Variants in LHFPL3 observed in about 807,000 individuals in gnomAD.
LHFPL3 encodes the protein LHFPL tetraspan subfamily member 3 protein.
In LHFPL3, 5 loss-of-function variants were observed where a neutral mutation model predicts 19.3. That is an observed-to-expected ratio of 0.26 (90% CI 0.14 to 0.54). The LOEUF is 0.54. Among genes scored for constraint, LHFPL3 ranks in the 20% least tolerant of loss-of-function variants. The probability of loss-of-function intolerance (pLI) is 0.94; values close to 1 mark genes in which losing one functional copy is unlikely to be tolerated. For missense variants in LHFPL3, 249 were observed against 307.4 expected, an observed-to-expected ratio of 0.81 and a Z score of 1.42; for synonymous variants, 133 against 126.2, an observed-to-expected ratio of 1.05 and a Z score of -0.36.
rs375208001 is a variant in LHFPL3, at chr7:104,832,779, C to T, written c.683-73408C>T. Among the ~76,000 whole-genome samples the T allele has an allele frequency of 5.4e-4, 80 of 149,040 alleles. 2 individuals carry two copies. Among genetic ancestry groups the T allele is most frequent in the Admixed American group, 1.3e-3 (19 of 14,714 alleles). On this transcript the variant is annotated intron_variant, in intron 2 of 2. Transcript: ENST00000424859. ...ATCACTTGAGGTCAGGAGTTCGAGACCAGCCTGGCCAACATGACGAAACCC... is the reference window on the plus strand; with the variant it reads ...ATCACTTGAGGTCAGGAGTTCGAGATCAGCCTGGCCAACATGACGAAACCC...
intron 1 of LHFPL3, among the ~76,000 whole-genome samples, chr7:104,519,726 C>T (rs943541904): frequency 6.6e-6 from 1 of 151,986 alleles, no homozygotes; most frequent in African/African-American, 2.4e-5. Flanking sequence ...ACTATTAACA[C>T]TGTGGTACCT....
intron 1 of LHFPL3, among the ~76,000 whole-genome samples, chr7:104,621,670 G>A (rs1173556288): frequency 1.3e-5 from 2 of 152,150 alleles, no homozygotes; most frequent in Non-Finnish European, 2.9e-5. Flanking sequence ...CTCACAAGGG[G>A]GTTGTAACTG....
chr7:104,380,633 A>C (rs1156651735), intron 1 of LHFPL3, among the ~76,000 whole-genome samples: 1 of 152,186 alleles, frequency 6.6e-6, no homozygotes, highest in Non-Finnish European at 1.5e-5. Flanking sequence ...AGTTTCCTAC[A>C]AAAGAAGAAA....
chr7:104,674,494 A>G (rs61173826), intron 1 of LHFPL3, among the ~76,000 whole-genome samples: 6,071 of 149,972 alleles, frequency 0.04, 147 homozygotes, highest in African/African-American at 0.056. Context: ...TCAGCCTCCC[A>G]AGTAGCTGGG....
chr7:104,831,457 A>G (rs1790952222), intron 2 of LHFPL3, among the ~76,000 whole-genome samples: 1 of 152,004 alleles, frequency 6.6e-6, no homozygotes, highest in Non-Finnish European at 1.5e-5. Context: ...ACAGCCTGGA[A>G]CTATATATGT....
At chr7:104,581,508 G>A (rs1381616732) in intron 1 of LHFPL3, among the ~76,000 whole-genome samples, 1 of 151,880 alleles carries the variant, frequency 6.6e-6, no homozygotes, top group Non-Finnish European at 1.5e-5. Flanking sequence ...TTAACTTTAA[G>A]GCAGGCTAAT....
chr7:104,687,408 T>C (rs1201049464), intron 1 of LHFPL3, among the ~76,000 whole-genome samples: 1 of 152,210 alleles, frequency 6.6e-6, no homozygotes, highest in East Asian at 1.9e-4. Flanking sequence ...CATGAATTGA[T>C]TAAATCATTA....
chr7:104,515,842 TG>T, intron 1 of LHFPL3, among the ~76,000 whole-genome samples: 1 of 152,116 alleles, frequency 6.6e-6, no homozygotes, highest in Non-Finnish European at 1.5e-5. Context: ...GCAAGATCAT[TG>T]TTCAAGGATG....
chr7:104,609,337 T>C (rs575038395), intron 1 of LHFPL3, among the ~76,000 whole-genome samples: 1 of 152,314 alleles, frequency 6.6e-6, no homozygotes, highest in African/African-American at 2.4e-5. Flanking sequence ...AACTCCTGTA[T>C]TTTTATTTGC....
At chr7:104,347,713 G>A (rs1472358233) in intron 1 of LHFPL3, among the ~76,000 whole-genome samples, 2 of 151,976 alleles carry the variant, frequency 1.3e-5, no homozygotes, top group Non-Finnish European at 2.9e-5. Flanking sequence ...CCAACATGGC[G>A]AAACCCCATC....
At chr7:104,830,157 T>C (rs1297111856) in intron 2 of LHFPL3, among the ~76,000 whole-genome samples, 2 of 151,972 alleles carry the variant, frequency 1.3e-5, no homozygotes, top group African/African-American at 4.9e-5. Context: ...TCATATCCTT[T>C]GCCCACTTTT....
At chr7:104,437,631 TGCTAGAGTG>T (rs1413769597) in intron 1 of LHFPL3, among the ~76,000 whole-genome samples, 4 of 152,222 alleles carry the variant, frequency 2.6e-5, no homozygotes, top group African/African-American at 9.6e-5. Flanking sequence ...TTTGATCATT[TGCTAGAGTG>T]GCTCACAGAG....
At chr7:104,779,926 G>C (rs1794692871) in intron 2 of LHFPL3, among the ~76,000 whole-genome samples, 1 of 151,622 alleles carries the variant, frequency 6.6e-6, no homozygotes, top group Non-Finnish European at 1.5e-5. Context: ...TTTTTTTTTA[G>C]CTAAACTTTA....
chr7:104,805,643 G>A (rs1262164029), intron 2 of LHFPL3, among the ~76,000 whole-genome samples: 1 of 152,234 alleles, frequency 6.6e-6, no homozygotes, highest in African/African-American at 2.4e-5. Flanking sequence ...GCTTCACAGA[G>A]CTGTACAAAA....
chr7:104,841,518 G>GTGTGTT (rs1392587731), intron 2 of LHFPL3, among the ~76,000 whole-genome samples: 11 of 151,768 alleles, frequency 7.2e-5, no homozygotes, highest in African/African-American at 2.7e-4. Context: ...GTGTGTGTGT[G>GTGTGTT]TGTGTGTGTG....
chr7:104,596,172 G>C (rs978871572), intron 1 of LHFPL3, among the ~76,000 whole-genome samples: 1 of 152,196 alleles, frequency 6.6e-6, no homozygotes. Context: ...GACTGGAGCT[G>C]TTCCTATTCA....
chr7:104,541,762 T>C (rs1340440352), intron 1 of LHFPL3, among the ~76,000 whole-genome samples: 3 of 152,112 alleles, frequency 2.0e-5, no homozygotes, highest in East Asian at 1.9e-4. Context: ...ACTTGAATGA[T>C]TTTTTCTCTA....
intron 1 of LHFPL3, among the ~76,000 whole-genome samples, chr7:104,642,014 A>G (rs974766556): frequency 1.3e-5 from 2 of 150,180 alleles, no homozygotes; most frequent in African/African-American, 4.9e-5. Flanking sequence ...CAATAAAAAT[A>G]ACAGATTTTT....
At chr7:104,489,408 G>A (rs1793297745) in intron 1 of LHFPL3, among the ~76,000 whole-genome samples, 1 of 151,884 alleles carries the variant, frequency 6.6e-6, no homozygotes, top group Non-Finnish European at 1.5e-5. Context: ...ACTGGGTCTT[G>A]CAAATTATCT....
Sources: gnomAD v4.1 joint callset for allele counts (sites outside exome capture counted in the v4.1 genomes callset) on GRCh38, gnomAD v4.1.1 for gene constraint, MANE v1.5 for transcripts, NCBI Gene and HGNC (gene_info 2026-07-23, HGNC 2026-07-21) for gene names.